NEBL: variants seen among roughly 807,000 people sequenced by gnomAD.
NEBL encodes the protein nebulette.
NEBL carries 122 observed loss-of-function variants against 140.2 expected under a neutral mutation model. That is an observed-to-expected ratio of 0.87 (90% CI 0.75 to 1.01). The LOEUF is 1.01. Ranked by LOEUF, NEBL falls within the 50% of genes least tolerant of loss-of-function variation. The probability of loss-of-function intolerance (pLI) is 0.00; values close to 1 mark genes in which losing one functional copy is unlikely to be tolerated. For missense variants in NEBL, 1,365 were observed against 1,231.3 expected (o/e 1.11, Z -1.62); for synonymous variants, 436 against 398.9 (o/e 1.09, Z -1.11).
chr10:21,030,951 AC>A (rs1406865552), intron 2 of NEBL, among the ~76,000 whole-genome samples: 1 of 152,202 alleles, frequency 6.6e-6, no homozygotes, highest in African/African-American at 2.4e-5. Context: ...ATTAGGACAC[AC>A]CGGTGTGCAC....
At chr10:20,826,650 C>G (rs1839906424) in intron 17 of NEBL, 111 bp from the exon 18 acceptor site, 1 of 809,720 alleles carries the variant, frequency 1.2e-6, no homozygotes, top group Non-Finnish European at 2.1e-6. Flanking sequence ...AATACTGCAT[C>G]TATTTATGAG....
At chr10:21,286,372 G>A (rs1317587518) in intron 1 of NEBL, among the ~76,000 whole-genome samples, 1 of 152,164 alleles carries the variant, frequency 6.6e-6, no homozygotes, top group Non-Finnish European at 1.5e-5. Context: ...GGCACGGCCA[G>A]GCCAATGAAA....
chr10:21,039,418 G>A (rs1279367592), intron 2 of NEBL, among the ~76,000 whole-genome samples: 1 of 152,076 alleles, frequency 6.6e-6, no homozygotes, highest in Non-Finnish European at 1.5e-5. Context: ...TGTAAGGACG[G>A]GTCCAGTTTC....
chr10:21,193,752 A>G (rs886385251), intron 3 of NEBL, among the ~76,000 whole-genome samples: 1 of 152,166 alleles, frequency 6.6e-6, no homozygotes, highest in Non-Finnish European at 1.5e-5. Flanking sequence ...GATTCTTTAT[A>G]CAGTCTTGTA....
intron 3 of NEBL, among the ~76,000 whole-genome samples, chr10:21,208,821 A>G (rs1841870929): frequency 6.6e-6 from 1 of 152,208 alleles, no homozygotes; most frequent in South Asian, 2.1e-4. Flanking sequence ...GGGAAAACGT[A>G]GTCCAACAGC....
intron 17 of NEBL, among the ~76,000 whole-genome samples, chr10:20,827,660 A>G (rs1386789867): frequency 6.6e-6 from 1 of 152,180 alleles, no homozygotes; most frequent in Non-Finnish European, 1.5e-5. Flanking sequence ...TAGGAAAGAC[A>G]TGGAATCAAC....
At position 20,908,016 on chromosome 10, in the gene NEBL, G is replaced by A. The variant is rs79269131; in HGVS notation, c.357+53656C>T. ...CTCCATATAAAAATGATGGGAGGCAGCCATGAAGTCTTCGAAGTTCTTGAA... is the reference window on the plus strand; with the variant it reads ...CTCCATATAAAAATGATGGGAGGCAACCATGAAGTCTTCGAAGTTCTTGAA... On this transcript the variant is annotated intron_variant, in intron 4 of 6. Coordinates refer to the NEBL transcript ENST00000417816. 7.2e-3 allele frequency among the ~76,000 whole-genome samples: 1,090 copies of A among 152,286 alleles called. 9 individuals are homozygous for A. Among genetic ancestry groups the A allele is most frequent in the African/African-American group, 0.025 (1,039 of 41,558 alleles).
At position 20,856,573 on chromosome 10, in the gene NEBL, A is replaced by G. The variant is rs1184586250; in HGVS notation, c.903+1667T>C. 3.9e-5 allele frequency among the ~76,000 whole-genome samples: 6 copies of G among 152,174 alleles called. No individual in the cohort carries two copies. The South Asian group carries it at 1.0e-3, about 26-fold the overall frequency. On this transcript the variant is annotated intron_variant, in intron 9 of 27. Coordinates refer to ENST00000377122, the MANE Select transcript of NEBL (RefSeq NM_006393.3). ...ATAGAAATATATCAATTTTAGAAGC[A>G]TATCTATGAGTCGTGGAGAAAAAAG...
At chr10:21,160,227 G>A (rs944269748) in intron 2 of NEBL, among the ~76,000 whole-genome samples, 1 of 151,846 alleles carries the variant, frequency 6.6e-6, no homozygotes, top group African/African-American at 2.4e-5. Context: ...TTCAACGTCT[G>A]CCAAACTGCC....
In NEBL at chr10:20,840,786, C is replaced by T. The variant is rs1349850101; in HGVS notation, c.1291G>A (p.Val431Ile). Reference sequence around the variant, plus strand: ...CGCTTTGCTCTTTGGATATCAAGAACTTCTGAATTAAGTTCCATTCCTTTC... The same window carrying T: ...CGCTTTGCTCTTTGGATATCAAGAATTTCTGAATTAAGTTCCATTCCTTTC... Reference protein sequence around the residue: ...KGKGMELNSEVLDIQRAKRAS... With the variant: ...KGKGMELNSEILDIQRAKRAS... Residue 431 changes from valine (V) to isoleucine (I), a missense_variant, in exon 13 of 28, where the codon GTT becomes ATT. Physicochemically the swap from Val to Ile is conservative, Grantham distance 29 (BLOSUM62 3). Transcript: ENST00000377122. 1 of 1,611,942 alleles carries T rather than the reference C, an allele frequency of 6.2e-7. No individual in the cohort carries two copies. The highest frequency in any genetic ancestry group is 8.5e-7 in the Non-Finnish European group (1 of 1,178,562).
chr10:21,180,996 T>A (rs1564538221), intron 3 of NEBL, among the ~76,000 whole-genome samples: 2 of 152,100 alleles, frequency 1.3e-5, no homozygotes, highest in Non-Finnish European at 2.9e-5. Context: ...GCACAGTGGC[T>A]CATATCTGTA....
chr10:20,818,282 C>T (rs1311626035), intron 20 of NEBL, among the ~76,000 whole-genome samples: 2 of 143,408 alleles, frequency 1.4e-5, no homozygotes, highest in South Asian at 2.2e-4. Flanking sequence ...CCAATCTCAG[C>T]TCTGCCTTTA....
At chr10:20,957,443 A>G (rs1043770095) in intron 4 of NEBL, among the ~76,000 whole-genome samples, 8 of 152,184 alleles carry the variant, frequency 5.3e-5, no homozygotes, top group Non-Finnish European at 7.4e-5. Flanking sequence ...ATAAATGGGT[A>G]TGCGAAATTG....
At chr10:20,949,132 T>C (rs948063943) in intron 4 of NEBL, among the ~76,000 whole-genome samples, 4 of 152,186 alleles carry the variant, frequency 2.6e-5, no homozygotes, top group Non-Finnish European at 4.4e-5. Flanking sequence ...TGAATACCCT[T>C]TATTTCTTTG....
At chr10:20,946,225 A>G (rs1349422239) in intron 4 of NEBL, among the ~76,000 whole-genome samples, 2 of 152,176 alleles carry the variant, frequency 1.3e-5, no homozygotes, top group Non-Finnish European at 2.9e-5. Context: ...TGTTTCCTCC[A>G]AAGTCTACAT....
intron 2 of NEBL, among the ~76,000 whole-genome samples, chr10:21,145,814 G>C (rs563251862): frequency 6.6e-6 from 1 of 152,262 alleles, no homozygotes; most frequent in East Asian, 1.9e-4. Context: ...CAAGGGCTCC[G>C]GCAGCTGGAG....
chr10:21,076,991 A>T (rs1231791797), intron 2 of NEBL, among the ~76,000 whole-genome samples: 1 of 152,216 alleles, frequency 6.6e-6, no homozygotes, highest in Non-Finnish European at 1.5e-5. Context: ...TTTGCACAAA[A>T]ATGTGAATAT....
chr10:21,261,521 G>A (rs1002159809), intron 1 of NEBL, among the ~76,000 whole-genome samples: 11 of 151,966 alleles, frequency 7.2e-5, no homozygotes, highest in African/African-American at 9.6e-5. Flanking sequence ...TCAGCCAGGC[G>A]TGGTGGTCCC....
At chr10:21,164,245 T>C (rs982525854) in intron 2 of NEBL, among the ~76,000 whole-genome samples, 33 of 152,224 alleles carry the variant, frequency 2.2e-4, no homozygotes, top group Non-Finnish European at 1.5e-5. Flanking sequence ...ACACTAACTA[T>C]AAGAACTGAA....
Sources: allele counts gnomAD v4.1 joint callset (sites outside exome capture counted in the v4.1 genomes callset), GRCh38; gene constraint gnomAD v4.1.1; transcripts MANE v1.5; gene names NCBI Gene and HGNC (gene_info 2026-07-23, HGNC 2026-07-21).